The following FBXL7 variants were observed in gnomAD, a reference collection of about 807,000 sequenced individuals.
FBXL7 encodes F-box and leucine rich repeat protein 7.
Under a neutral mutation model 38.3 loss-of-function variants are expected in FBXL7, and 12 were observed. The observed-to-expected ratio is 0.31, with a 90% CI of 0.20 to 0.51. The LOEUF (loss-of-function observed/expected upper bound fraction) is 0.51. Ranked by LOEUF, FBXL7 falls within the 20% of genes least tolerant of loss-of-function variation. The pLI, the probability that FBXL7 is intolerant of heterozygous loss-of-function variation, is 0.98. For synonymous variants in FBXL7, 297 were observed against 300.9 expected (o/e 0.99, Z 0.13); for missense variants, 567 against 676.4 (o/e 0.84, Z 1.79).
intron 1 of FBXL7, among the ~76,000 whole-genome samples, chr5:15,543,230 G>T (rs770694173): frequency 2.6e-5 from 4 of 152,140 alleles, no homozygotes; most frequent in Admixed American, 6.5e-5. Flanking sequence ...TCACAATCAT[G>T]GCAGAAGGCA....
At chr5:15,890,185 G>C (rs969449010) in intron 2 of FBXL7, among the ~76,000 whole-genome samples, 1 of 152,108 alleles carries the variant, frequency 6.6e-6, no homozygotes, top group Non-Finnish European at 1.5e-5. Context: ...GAGGTGAGCA[G>C]CTGGTGAGCG....
At chr5:15,836,655 A>G (rs1738599747) in intron 2 of FBXL7, among the ~76,000 whole-genome samples, 1 of 152,178 alleles carries the variant, frequency 6.6e-6, no homozygotes, top group Non-Finnish European at 1.5e-5. Context: ...ACAAGTTGGA[A>G]AAGAACAGTA....
intron 2 of FBXL7, among the ~76,000 whole-genome samples, chr5:15,793,871 C>G (rs1737343582): frequency 6.6e-6 from 1 of 152,156 alleles, no homozygotes; most frequent in East Asian, 1.9e-4. Flanking sequence ...AAAAACACAG[C>G]AACAACACAA....
chr5:15,878,982 G>A (rs896502391), intron 2 of FBXL7, among the ~76,000 whole-genome samples: 5 of 152,140 alleles, frequency 3.3e-5, no homozygotes, highest in Non-Finnish European at 5.9e-5. Flanking sequence ...AAATCTTGAT[G>A]TTTAGGTCCA....
chr5:15,816,928 G>T (rs1307948692), intron 2 of FBXL7, among the ~76,000 whole-genome samples: 2 of 152,116 alleles, frequency 1.3e-5, no homozygotes, highest in Admixed American at 1.3e-4. Flanking sequence ...AAACAAATCA[G>T]TCTCTGTTTA....
chr5:15,629,363 G>A (rs981284882), intron 2 of FBXL7, among the ~76,000 whole-genome samples: 2 of 152,114 alleles, frequency 1.3e-5, no homozygotes, highest in Non-Finnish European at 2.9e-5. Flanking sequence ...CAAAGTTAGA[G>A]CTAGAGACTA....
intron 2 of FBXL7, among the ~76,000 whole-genome samples, chr5:15,634,946 T>C (rs1741133436): frequency 6.6e-6 from 1 of 152,112 alleles, no homozygotes; most frequent in Non-Finnish European, 1.5e-5. Context: ...AATCTCACCA[T>C]CTCATGATCT....
chr5:15,794,660 T>C (rs1041679998), intron 2 of FBXL7, among the ~76,000 whole-genome samples: 1 of 152,174 alleles, frequency 6.6e-6, no homozygotes, highest in South Asian at 2.1e-4. Flanking sequence ...TCTCTTATCT[T>C]TGAGCGTGAG....
intron 2 of FBXL7, among the ~76,000 whole-genome samples, chr5:15,925,278 A>T (rs1741852208): frequency 6.6e-6 from 1 of 152,250 alleles, no homozygotes; most frequent in Admixed American, 6.5e-5. Context: ...AAGGGAAGGG[A>T]TCCTATCCCA....
At chr5:15,675,487 A>T (rs1283346356) in intron 2 of FBXL7, among the ~76,000 whole-genome samples, 1 of 152,236 alleles carries the variant, frequency 6.6e-6, no homozygotes, top group African/African-American at 2.4e-5. Context: ...TCACCATTTC[A>T]ATGAGCTTAC....
rs57231456 is a variant in FBXL7 at position 15,917,644 on chromosome 5, GGGAAGGAAGGAAGGAA to G, written c.128-10208_128-10193del. ...AAATGAAAGAAAGTAAAGGAAGGGA[GGGAAGGAAGGAAGGAA>G]GGAAGGAAGGAAGGAAGGAAGGAAG... is the stretch of plus-strand genomic sequence containing the variant. On this transcript the variant is annotated intron_variant, in intron 2 of 3. Coordinates refer to ENST00000504595, the MANE Select transcript of FBXL7 (RefSeq NM_012304.5). Among the ~76,000 whole-genome samples the G allele has an allele frequency of 8.1e-3, 738 of 91,014 alleles. 10 individuals carry two copies. The highest frequency in any genetic ancestry group is 0.028 in the African/African-American group (697 of 24,624). The allele number at this position is 91,014 out of a possible 152,430, so 59.7% of individuals were successfully genotyped here.
chr5:15,804,447 C>G (rs868635595), intron 2 of FBXL7, among the ~76,000 whole-genome samples: 1 of 151,988 alleles, frequency 6.6e-6, no homozygotes, highest in Non-Finnish European at 1.5e-5. Flanking sequence ...ACAGTCTGGA[C>G]AACAAAATGA....
chr5:15,816,570 T>C (rs1300691139), intron 2 of FBXL7, among the ~76,000 whole-genome samples: 1 of 152,126 alleles, frequency 6.6e-6, no homozygotes, highest in Non-Finnish European at 1.5e-5. Flanking sequence ...CAGTGACAGA[T>C]GCAGTAAAAT....
intron 1 of FBXL7, among the ~76,000 whole-genome samples, chr5:15,520,560 AC>A (rs1737069590): frequency 6.6e-6 from 1 of 152,242 alleles, no homozygotes; most frequent in Non-Finnish European, 1.5e-5. Context: ...AGATTCTGGC[AC>A]ATTTATATCC....
intron 1 of FBXL7, among the ~76,000 whole-genome samples, chr5:15,603,476 G>A (rs1739873758): frequency 6.6e-6 from 1 of 152,204 alleles, no homozygotes; most frequent in Non-Finnish European, 1.5e-5. Context: ...ACTTCCTCAA[G>A]CTCAACCATC....
At position 15,836,344 on chromosome 5, in the gene FBXL7, C is replaced by G. The variant is rs181418782; in HGVS notation, c.128-91546C>G. Among the ~76,000 whole-genome samples, 362 of 152,028 alleles carry G rather than the reference C, an allele frequency of 2.4e-3. 2 individuals are homozygous for G. Among genetic ancestry groups the G allele is most frequent in the African/African-American group, 8.4e-3 (348 of 41,438 alleles). On this transcript the variant is annotated intron_variant, in intron 2 of 3. Transcript: ENST00000504595. ...ACAATAAGAAACATGAAAAATGAGA[C>G]AAATTATATAGTATTTTGAAAGGTG...
chr5:15,711,181 C>G (rs755415404), intron 2 of FBXL7, among the ~76,000 whole-genome samples: 8 of 152,184 alleles, frequency 5.3e-5, no homozygotes, highest in Non-Finnish European at 1.0e-4. Flanking sequence ...ATTGCCCAGT[C>G]TCTGGTATGT....
At position 15,675,620 on chromosome 5, in the gene FBXL7, G is replaced by A. The variant is rs1457754456; in HGVS notation, c.127+59548G>A. Among the ~76,000 whole-genome samples the A allele has an allele frequency of 2.0e-5, 3 of 152,320 alleles. No individual in the cohort carries two copies. In the East Asian group the frequency reaches 5.8e-4, roughly 29 times the overall value. On this transcript the variant is annotated intron_variant, in intron 2 of 3. Transcript: ENST00000504595. ...ATGTGGCTTTGCCCTCTCTCAGGGGGCTTCCATTCCCACCACTGATCACAG... is the reference window on the plus strand; with the variant it reads ...ATGTGGCTTTGCCCTCTCTCAGGGGACTTCCATTCCCACCACTGATCACAG...
At chr5:15,900,154 C>T (rs1027902372) in intron 2 of FBXL7, among the ~76,000 whole-genome samples, 2 of 151,762 alleles carry the variant, frequency 1.3e-5, no homozygotes, top group East Asian at 1.9e-4. Flanking sequence ...ATTTTTTACA[C>T]GAAGAAATAA....
Sources: allele counts gnomAD v4.1 joint callset (sites outside exome capture counted in the v4.1 genomes callset), GRCh38; gene constraint gnomAD v4.1.1; transcripts MANE v1.5; gene names NCBI Gene and HGNC (gene_info 2026-07-23, HGNC 2026-07-21).